Variants in ZMAT1 observed in about 807,000 individuals in gnomAD.
The protein encoded by ZMAT1 is zinc finger matrin-type protein 1.
Under a neutral mutation model 18.5 loss-of-function variants are expected in ZMAT1, and 11 were observed. That is an observed-to-expected ratio of 0.59 (90% CI 0.37 to 0.98). The LOEUF is 0.98. Among genes scored for constraint, ZMAT1 ranks in the 50% least tolerant of loss-of-function variants. The pLI is 0.01. For missense variants in ZMAT1, 525 were observed against 496.2 expected, an observed-to-expected ratio of 1.06 and a Z score of -0.55; for synonymous variants, 211 against 176.4, an observed-to-expected ratio of 1.20 and a Z score of -1.55.
At chrX:101,909,297 G>C (rs1928807403) in intron 1 of ZMAT1, among the ~76,000 whole-genome samples, 1 of 111,121 alleles carries the variant, frequency 9.0e-6, no homozygotes, top group Non-Finnish European at 1.9e-5. Flanking sequence ...GGGCCTTGTT[G>C]AGCCTCTGAC....
chrX:101,891,327 T>G (rs1477092948), intron 4 of ZMAT1, among the ~76,000 whole-genome samples: 1 of 111,717 alleles, frequency 9.0e-6, no homozygotes, highest in African/African-American at 3.3e-5. Flanking sequence ...GGTGATCCCA[T>G]TAACTGAAAT....
At chrX:101,919,773 TGAA>T (rs1398332426) in intron 1 of ZMAT1, among the ~76,000 whole-genome samples, 1 of 111,270 alleles carries the variant, frequency 9.0e-6, no homozygotes, top group Non-Finnish European at 1.9e-5. Context: ...GGCAAGAGTA[TGAA>T]GGACAATAAC....
intron 4 of ZMAT1, among the ~76,000 whole-genome samples, chrX:101,895,521 T>A (rs1452214816): frequency 9.0e-6 from 1 of 111,648 alleles, no homozygotes; most frequent in East Asian, 2.8e-4. Flanking sequence ...TAAAATGGTA[T>A]GTAAATAAGC....
chrX:101,911,541 A>T (rs1928962745), intron 1 of ZMAT1: 6 of 1,096,266 alleles, frequency 5.5e-6, no homozygotes, highest in Non-Finnish European at 6.2e-6. Context: ...ACCTCACCCA[A>T]CAACAGCGAA....
At chrX:101,923,077 T>A (rs1361704466) in intron 1 of ZMAT1, among the ~76,000 whole-genome samples, 1 of 112,182 alleles carries the variant, frequency 8.9e-6, no homozygotes, top group Non-Finnish European at 1.9e-5. Flanking sequence ...CTGATTCTAG[T>A]AGAAATGGGA....
At chrX:101,904,623 C>T (rs1928473800) in intron 1 of ZMAT1, among the ~76,000 whole-genome samples, 1 of 111,028 alleles carries the variant, frequency 9.0e-6, no homozygotes, top group Admixed American at 9.6e-5. Flanking sequence ...TGACTTGGGA[C>T]ACCAGTAATT....
At chrX:101,930,530 C>T (rs928307167) in intron 1 of ZMAT1, among the ~76,000 whole-genome samples, 4 of 112,061 alleles carry the variant, frequency 3.6e-5, no homozygotes, top group African/African-American at 1.3e-4. Flanking sequence ...TATGGAATAG[C>T]ACACAGGGAT....
At chrX:101,931,198 T>G (rs1485087177) in intron 1 of ZMAT1, among the ~76,000 whole-genome samples, 1 of 111,830 alleles carries the variant, frequency 8.9e-6, no homozygotes, top group African/African-American at 3.3e-5. Context: ...GTAAATATTC[T>G]ACTTCTAGTT....
chrX:101,917,191 C>A (rs1222701084), intron 1 of ZMAT1, among the ~76,000 whole-genome samples: 1 of 111,740 alleles, frequency 8.9e-6, no homozygotes, highest in Non-Finnish European at 1.9e-5. Context: ...CAAATGGGAT[C>A]ATATCAAGTT....
chrX:101,923,103 A>G (rs1929833271), intron 1 of ZMAT1, among the ~76,000 whole-genome samples: 1 of 112,080 alleles, frequency 8.9e-6, no homozygotes, highest in Admixed American at 9.4e-5. Flanking sequence ...GGGATAGCTG[A>G]AGAAACTTGG....
At chrX:101,905,888 T>TAA (rs747049552) in intron 1 of ZMAT1, among the ~76,000 whole-genome samples, 12 of 47,943 alleles carry the variant, frequency 2.5e-4, no homozygotes, top group South Asian at 8.4e-4. Context: ...GCCAAAAAAC[T>TAA]AAAAAAAAAA....
chrX:101,884,900 G>A, intron 5 of ZMAT1, 79 bp from the exon 6 acceptor site: 1 of 592,478 alleles, frequency 1.7e-6, no homozygotes, highest in Non-Finnish European at 2.5e-6. Flanking sequence ...GTATTAGTCT[G>A]AAAAAACAAA....
At position 101,931,990 on chromosome X, in the gene ZMAT1, T is replaced by C. The variant is rs953589203; in HGVS notation, c.19A>G (p.Thr7Ala). MAAAPS[T>A]VTPLAAESSP... ...GACTCCGCCGCCAGCGGGGTGACTGTGCTCGGCGCCGCCGCCATCGCAGCG... is the reference window on the plus strand; with the variant it reads ...GACTCCGCCGCCAGCGGGGTGACTGCGCTCGGCGCCGCCGCCATCGCAGCG... The change falls in exon 1 of 6, where the codon ACA becomes GCA. Residue 7 changes from threonine (T) to alanine (A), a missense_variant. Coordinates refer to ENST00000651725, the MANE Select transcript of ZMAT1 (RefSeq NM_001394560.1). 2 of 767,321 alleles carry C rather than the reference T, an allele frequency of 2.6e-6. No homozygotes were observed. Among genetic ancestry groups the C allele is most frequent in the African/African-American group, 2.3e-5 (1 of 43,609 alleles). The allele number at this position is 767,321 out of a possible 1,213,427, so 63.2% of individuals were successfully genotyped here. A position where few individuals can be genotyped will look rare whatever the true frequency, so the allele number is the denominator to read the frequency against.
At chrX:101,929,438 TA>T (rs1930313551) in intron 1 of ZMAT1, among the ~76,000 whole-genome samples, 1 of 82,531 alleles carries the variant, frequency 1.2e-5, no homozygotes, top group Non-Finnish European at 2.2e-5. Context: ...TATATATATA[TA>T]TATATATATA....
Position 101,883,492 on chromosome X carries a change from G to A in ZMAT1, c.*18C>T, listed in dbSNP as rs1926642439. The A allele has an allele frequency of 4.4e-6, 5 of 1,128,703 alleles. No individual in the cohort carries two copies. Among genetic ancestry groups the A allele is most frequent in the Non-Finnish European group, 5.9e-6 (5 of 853,850 alleles). The allele number at this position is 1,128,703 out of a possible 1,213,427, so 93.0% of individuals were successfully genotyped here. ...TTTTTTTTTTTCAATTCAACCTTGG[G>A]TAAACAAAACTAAACATTCAAAATC... On this transcript the variant is annotated 3_prime_UTR_variant, in exon 6 of 6. Transcript: ENST00000651725.
chrX:101,893,730 T>C (rs763369453), intron 4 of ZMAT1, among the ~76,000 whole-genome samples: 8 of 111,355 alleles, frequency 7.2e-5, no homozygotes, highest in Admixed American at 4.8e-4. Flanking sequence ...GAAATGCAGG[T>C]TAAGGAAGCA....
chrX:101,886,730 T>C lies in ZMAT1; in HGVS notation c.678A>G (p.Ala226=). 8.5e-7 allele frequency: 1 copy of C among 1,174,820 alleles called. No homozygotes were observed. Among genetic ancestry groups the C allele is most frequent in the Non-Finnish European group, 1.2e-6 (1 of 867,940 alleles). Reference sequence around the variant, plus strand: ...GGCAAACATAGGTTCTCATACTAAATGCTGAAAAAACAAAGAGTTCAAGTT... The same window carrying C: ...GGCAAACATAGGTTCTCATACTAAACGCTGAAAAAACAAAGAGTTCAAGTT... ...ASPSGFQPEM[A]FSMRTYVCHI... The change falls in exon 5 of 6, where the codon GCA becomes GCG. Residue 226 remains alanine, a splice_region_variant and synonymous_variant. Transcript: ENST00000651725.
At position 101,898,282 on chromosome X, in the gene ZMAT1, T is replaced by C. The variant is rs1927975795; in HGVS notation, c.400-62A>G. ...AAAAGAGTCATTCAAAATTTACACC[T>C]TTCTGAATTTGAGGATGGCATTCAT... On this transcript the variant is annotated intron_variant, in intron 2 of 5. Coordinates refer to ENST00000651725, the MANE Select transcript of ZMAT1 (RefSeq NM_001394560.1). 11 of 997,336 alleles carry C rather than the reference T, an allele frequency of 1.1e-5. No individual in the cohort carries two copies. In the South Asian group the frequency reaches 2.0e-4, roughly 18 times the overall value. 82.2% of individuals were successfully genotyped at this position (997,336 alleles called of 1,213,427 possible). A position where few individuals can be genotyped will look rare whatever the true frequency, so the allele number is the denominator to read the frequency against.
At chrX:101,886,271 A>T (rs1188406852) in intron 5 of ZMAT1, among the ~76,000 whole-genome samples, 2 of 111,641 alleles carry the variant, frequency 1.8e-5, no homozygotes, top group Non-Finnish European at 3.8e-5. Context: ...ACCACTATAC[A>T]TCACTGGAAA....
Sources: allele counts gnomAD v4.1 joint callset (sites outside exome capture counted in the v4.1 genomes callset), GRCh38; gene constraint gnomAD v4.1.1; transcripts MANE v1.5; gene names NCBI Gene and HGNC (gene_info 2026-07-23, HGNC 2026-07-21).